Variants in GARS1 observed in about 807,000 individuals in gnomAD.
GARS1 encodes glycyl-tRNA synthetase 1.
Under a neutral mutation model 86.4 loss-of-function variants are expected in GARS1, and 46 were observed. The observed-to-expected ratio is 0.53, with a 90% CI of 0.42 to 0.68. GARS1 has a LOEUF of 0.68. Ranked by LOEUF, GARS1 falls within the 30% of genes least tolerant of loss-of-function variation. GARS1 has a pLI of 0.00. For synonymous variants in GARS1, 342 were observed against 329.8 expected (o/e 1.04, Z -0.40); for missense variants, 797 against 915.6 (o/e 0.87, Z 1.67).
chr7:30,600,097 ATAT>A (rs748786834), intron 3 of GARS1, 48 bp downstream of exon 3: 37 of 1,288,334 alleles, frequency 2.9e-5, no homozygotes, highest in Middle Eastern at 1.8e-4. Flanking sequence ...AGTGGCTCTA[ATAT>A]TATACTTAAA....
intron 3 of GARS1, among the ~76,000 whole-genome samples, 184 bp from the exon 4 acceptor site, chr7:30,600,875 G>A (rs1384388003): frequency 2.0e-5 from 3 of 152,020 alleles, no homozygotes; most frequent in African/African-American, 4.8e-5. Context: ...AGTAAATGGC[G>A]TAAGAGCTTT....
At position 30,617,266 on chromosome 7, in the gene GARS1, C is replaced by T. The variant is rs1458605777; in HGVS notation, c.1347C>T (p.Ser449=). Residue 449 remains serine (S), a synonymous_variant, in exon 10 of 17, where the codon TCC becomes TCT. Coordinates refer to ENST00000389266, the MANE Select transcript of GARS1 (RefSeq NM_002047.4). ...CCTGTGACTGTTGGGATGCAGAATCCAAAACATCCTACGTAAGTGGAGTGC... is the reference window on the plus strand; with the variant it reads ...CCTGTGACTGTTGGGATGCAGAATCTAAAACATCCTACGTAAGTGGAGTGC... ...HYACDCWDAE[S]KTSYGWIEIV... 6.2e-7 allele frequency: 1 copy of T among 1,613,904 alleles called. No homozygotes were observed. Among genetic ancestry groups the T allele is most frequent in the East Asian group, 2.2e-5 (1 of 44,886 alleles).
Position 30,622,082 on chromosome 7 carries a change from CTTTT to C in GARS1, c.1468-232_1468-229del, listed in dbSNP as rs1156910892. 3.3e-5 allele frequency: 18 copies of C among 540,184 alleles called. No individual in the cohort carries two copies. In the East Asian group the frequency reaches 5.4e-4, roughly 16 times the overall value. The allele number at this position is 540,184 out of a possible 1,614,324, so 33.5% of individuals were successfully genotyped here. ...GGTCATTGCTGATTAGATAATATCT[CTTTT>C]TTCTCACTGTAACTGGAAAAGTTTC... On this transcript the variant is annotated intron_variant, in intron 11 of 16. Transcript: ENST00000389266.
chr7:30,613,515 G>A (rs927601640), intron 8 of GARS1, among the ~76,000 whole-genome samples: 6 of 152,196 alleles, frequency 3.9e-5, no homozygotes, highest in Admixed American at 2.6e-4. Flanking sequence ...TACGAAGAGG[G>A]TTTACACAGA....
intron 10 of GARS1, among the ~76,000 whole-genome samples, chr7:30,619,744 G>C (rs1378749435): frequency 6.7e-6 from 1 of 149,918 alleles, no homozygotes; most frequent in Admixed American, 6.7e-5. Flanking sequence ...GATAACATGT[G>C]CTTGGAAAGC....
At chr7:30,624,564 CTA>C (rs1193004944) in intron 12 of GARS1, among the ~76,000 whole-genome samples, 3 of 151,616 alleles carry the variant, frequency 2.0e-5, no homozygotes, top group African/African-American at 7.3e-5. Context: ...TGAAGATAAA[CTA>C]TGATAAGTTA....
In GARS1 at chr7:30,609,619, T is replaced by A. The variant is rs369940947; in HGVS notation, c.770T>A (p.Leu257His). Residue 257 changes from leucine to histidine, a missense_variant, in exon 7 of 17, where the codon CTT becomes CAT. Physicochemically the swap from Leu to His is moderately conservative, Grantham distance 99. Transcript: ENST00000389266. ...DNYGQQELADLFVNYNVKSPI... is the reference protein window; with the variant it reads ...DNYGQQELADHFVNYNVKSPI... ...TATGGACAGCAAGAACTTGCGGATC[T>A]TTTTGTGAACTATAATGTAAAATCT... 5 of 1,613,388 alleles carry A rather than the reference T, an allele frequency of 3.1e-6. No individual in the cohort carries two copies. Among genetic ancestry groups the A allele is most frequent in the Non-Finnish European group, 4.2e-6 (5 of 1,179,420 alleles).
rs1783245391 is a variant in GARS1 at position 30,632,102 on chromosome 7, A to G, written c.1904-145A>G. ...GCAAGGGATTTATTAAACTTTAGGG[A>G]TATTTCTTTCTCTTGCAACTCAACT... On this transcript the variant is annotated intron_variant, in intron 15 of 16. Coordinates refer to ENST00000389266, the MANE Select transcript of GARS1 (RefSeq NM_002047.4). The surrounding 1 kb of genome is among the most constrained non-coding windows in gnomAD (Gnocchi z 4.1). 4 of 761,384 alleles carry G rather than the reference A, an allele frequency of 5.3e-6. No homozygotes were observed. Among genetic ancestry groups the G allele is most frequent in the Middle Eastern group, 3.2e-4 (1 of 3,100 alleles). The allele number at this position is 761,384 out of a possible 1,614,324, so 47.2% of individuals were successfully genotyped here.
At chr7:30,619,291 A>G (rs1358879545) in intron 10 of GARS1, among the ~76,000 whole-genome samples, 1 of 152,238 alleles carries the variant, frequency 6.6e-6, no homozygotes, top group Non-Finnish European at 1.5e-5. Context: ...ACTGGAAAAC[A>G]GGGCTAAATG....
intron 3 of GARS1, among the ~76,000 whole-genome samples, chr7:30,600,506 G>A (rs569755366): frequency 4.5e-4 from 69 of 152,310 alleles, no homozygotes; most frequent in African/African-American, 1.5e-3. Context: ...AATGCCATAT[G>A]AAGGTATATA....
At position 30,603,079 on chromosome 7, in the gene GARS1, C is replaced by T. The variant is rs370008019; in HGVS notation, c.615C>T (p.Asp205=). The T allele has an allele frequency of 1.4e-5, 22 of 1,613,784 alleles. No individual in the cohort carries two copies. The highest frequency in any genetic ancestry group is 1.7e-4 in the Middle Eastern group (1 of 6,058). ...AATTTGCTGACTTCATGGTGAAAGA[C>T]GTAAAAAATGGAGAATGTTTTCGTG... ...VDKFADFMVK[D]VKNGECFRAD... The change falls in exon 5 of 17, where the codon GAC becomes GAT. Residue 205 remains aspartate (D), a synonymous_variant. Coordinates refer to ENST00000389266, the MANE Select transcript of GARS1 (RefSeq NM_002047.4).
At chr7:30,625,820 A>G (rs1783117741) in intron 12 of GARS1, among the ~76,000 whole-genome samples, 2 of 152,262 alleles carry the variant, frequency 1.3e-5, no homozygotes, top group Admixed American at 1.3e-4. Context: ...GTAAGATGGC[A>G]TGCTGGTTCA....
At chr7:30,594,796 G>A, upstream of GARS1, 2 of 784,778 alleles carry the variant, frequency 2.5e-6, no homozygotes, top group South Asian at 1.7e-5. Context: ...GCCGCGTCAC[G>A]CGGTGGTGAA....
intron 4 of GARS1, among the ~76,000 whole-genome samples, chr7:30,602,373 G>A (rs1443836219): frequency 2.0e-5 from 3 of 152,164 alleles, no homozygotes; most frequent in East Asian, 1.9e-4. Context: ...CACTGCGCCC[G>A]GCCTGAAAGA....
At chr7:30,622,727 C>T (rs1356486073) in intron 12 of GARS1, 4 of 443,346 alleles carry the variant, frequency 9.0e-6, no homozygotes, top group Non-Finnish European at 1.7e-5. Flanking sequence ...TTAGAAACTA[C>T]ATCTACTATC....
At chr7:30,623,344 G>T (rs894381556) in intron 12 of GARS1, among the ~76,000 whole-genome samples, 1 of 152,086 alleles carries the variant, frequency 6.6e-6, no homozygotes, top group African/African-American at 2.4e-5. Context: ...GTACTCAAGG[G>T]TGTAAAGGAA....
At chr7:30,630,342 G>T (rs1157372508) in intron 14 of GARS1, among the ~76,000 whole-genome samples, 2 of 152,050 alleles carry the variant, frequency 1.3e-5, no homozygotes, top group Non-Finnish European at 2.9e-5. Context: ...ATTGAACTTT[G>T]GGTGAGAGGC....
At chr7:30,615,085 A>G (rs1782864402) in intron 8 of GARS1, among the ~76,000 whole-genome samples, 1 of 152,190 alleles carries the variant, frequency 6.6e-6, no homozygotes, top group Admixed American at 6.5e-5. Context: ...AATTGCATTC[A>G]GAGAAATCTC....
At chr7:30,611,974 C>T (rs1782767201) in intron 7 of GARS1, 122 bp from the exon 8 acceptor site, 6 of 870,296 alleles carry the variant, frequency 6.9e-6, no homozygotes, top group South Asian at 1.4e-5. Context: ...ATTTTAGGGC[C>T]TGTTCAACTT....
Sources: allele counts gnomAD v4.1 joint callset (sites outside exome capture counted in the v4.1 genomes callset), GRCh38; gene constraint gnomAD v4.1.1; non-coding constraint Gnocchi (gnomAD v3.1); transcripts MANE v1.5; gene names NCBI Gene and HGNC (gene_info 2026-07-23, HGNC 2026-07-21).